PLXNA1: variants seen among roughly 807,000 people sequenced by gnomAD.
PLXNA1 encodes the protein plexin A1.
Under a neutral mutation model 191.7 loss-of-function variants are expected in PLXNA1, and 77 were observed. The ratio of observed to expected loss-of-function variants is 0.40; its 90% CI spans 0.33 to 0.49. The LOEUF is 0.49. Ranked by LOEUF, PLXNA1 falls within the 20% of genes least tolerant of loss-of-function variation. PLXNA1 has a pLI of 0.63. For missense variants in PLXNA1, 2,110 were observed against 2,660.2 expected (o/e 0.79, Z 4.55); for synonymous variants, 1,137 against 1,156.4 (o/e 0.98, Z 0.34).
chr3:127,024,053 T>A (rs992839333), intron 23 of PLXNA1, among the ~76,000 whole-genome samples: 2 of 152,314 alleles, frequency 1.3e-5, no homozygotes, highest in Admixed American at 1.3e-4. Flanking sequence ...AAGTCGTGCG[T>A]GTCCTGTAGA....
chr3:127,026,407 GC>G (rs1259592470), intron 23 of PLXNA1: 3 of 152,170 alleles, frequency 2.0e-5, no homozygotes, highest in African/African-American at 7.2e-5. Flanking sequence ...GTGACCTTGG[GC>G]CAATATCTGC....
At chr3:127,020,411 T>C in intron 21 of PLXNA1, 67 bp downstream of exon 21, 1 of 1,575,180 alleles carries the variant, frequency 6.3e-7, no homozygotes. Flanking sequence ...CCTTTGAGGC[T>C]CCTTGGGTGC....
intron 5 of PLXNA1, 27 bp from the exon 6 acceptor site, chr3:127,004,858 G>A (rs771466858): frequency 1.4e-5 from 22 of 1,568,106 alleles, no homozygotes; most frequent in African/African-American, 5.4e-5. Context: ...CTCCCCATCC[G>A]CCCAGCCTCA....
intron 30 of PLXNA1, 24 bp downstream of exon 30, chr3:127,032,623 G>T: frequency 1.9e-6 from 3 of 1,610,640 alleles, no homozygotes; most frequent in Non-Finnish European, 2.5e-6. Context: ...GCAGGGGTCG[G>T]GGGCAGGGGC....
chr3:127,018,224 C>T (rs1009703381), intron 19 of PLXNA1, 70 bp from the exon 20 acceptor site: 7 of 1,369,148 alleles, frequency 5.1e-6, no homozygotes, highest in Non-Finnish European at 6.0e-6. Context: ...TGGGTCTTGC[C>T]CATCGGGAGG....
intron 3 of PLXNA1, among the ~76,000 whole-genome samples, chr3:127,000,561 T>C (rs983763430): frequency 1.3e-5 from 2 of 152,218 alleles, no homozygotes; most frequent in African/African-American, 2.4e-5. Flanking sequence ...CTTCCCACTT[T>C]ACGAGCAGCC....
At chr3:126,986,566 C>G (rs182091678) in intron 1 of PLXNA1, among the ~76,000 whole-genome samples, 1 of 152,184 alleles carries the variant, frequency 6.6e-6, no homozygotes, top group Non-Finnish European at 1.5e-5. Context: ...TTCATTCATT[C>G]GCTCACTCAC....
rs369457038 is a variant in PLXNA1 at position 127,029,060 on chromosome 3, C to T, written c.4737C>T (p.Asn1579=). Residue 1579 remains asparagine, a synonymous_variant, in exon 26 of 32, where the codon AAC becomes AAT. Coordinates refer to ENST00000393409, the MANE Select transcript of PLXNA1 (RefSeq NM_032242.4). ...QDEDVTTKID[N]DWKRLNTLAH... Reference sequence around the variant, plus strand: ...AGGACGTCACCACCAAGATTGACAACGATTGGAAGAGGCTGAACACACTGG... The same window carrying T: ...AGGACGTCACCACCAAGATTGACAATGATTGGAAGAGGCTGAACACACTGG... 19 of 1,613,814 alleles carry T rather than the reference C, an allele frequency of 1.2e-5. No homozygotes were observed. The highest frequency in any genetic ancestry group is 1.4e-5 in the Non-Finnish European group (17 of 1,179,922).
Position 127,012,039 on chromosome 3 carries a change from C to T in PLXNA1, c.2194C>T (p.Leu732=), listed in dbSNP as rs1172508559. Residue 732 remains leucine, a synonymous_variant, in exon 10 of 32, where the codon CTG becomes TTG. Coordinates refer to ENST00000393409, the MANE Select transcript of PLXNA1 (RefSeq NM_032242.4). ...ACCCATCACCCTGGCCGCACGGAAC[C>T]TGCCACAGCCACAGTCAGGCCAGCG... The part of the protein sequence containing the change: ...VKPITLAARN[L]PQPQSGQRGY... The T allele has an allele frequency of 6.2e-7, 1 of 1,613,698 alleles. No individual in the cohort carries two copies. The highest frequency in any genetic ancestry group is 8.5e-7 in the Non-Finnish European group (1 of 1,180,044).
intron 9 of PLXNA1, among the ~76,000 whole-genome samples, chr3:127,009,743 C>T (rs965909389): frequency 5.9e-5 from 9 of 152,318 alleles, no homozygotes; most frequent in African/African-American, 1.9e-4. Flanking sequence ...TGCCTGCCTG[C>T]ATGCTGGGGT....
rs773936165 is a variant in PLXNA1, at chr3:126,989,568, C to A, written c.975C>A (p.Ala325=). The A allele has an allele frequency of 1.2e-6, 2 of 1,613,094 alleles. No individual in the cohort carries two copies. Among genetic ancestry groups the A allele is most frequent in the Non-Finnish European group, 1.7e-6 (2 of 1,180,032 alleles). ...TGAGCCGGCCCGGCCGTGCCCTGGC[C>A]CACCAGCTGGGCCTGGCTGAGGACG... ...AYLSRPGRAL[A]HQLGLAEDED... Residue 325 remains alanine, a synonymous_variant, in exon 2 of 32, where the codon GCC becomes GCA. Coordinates refer to ENST00000393409, the MANE Select transcript of PLXNA1 (RefSeq NM_032242.4).
chr3:127,019,866 C>A (rs1199769150), intron 20 of PLXNA1, among the ~76,000 whole-genome samples: 1 of 152,172 alleles, frequency 6.6e-6, no homozygotes, highest in African/African-American at 2.4e-5. Context: ...CACTCCACCA[C>A]CTCACAGCGG....
At chr3:127,006,769 G>A (rs777716963) in intron 8 of PLXNA1, among the ~76,000 whole-genome samples, 2 of 152,112 alleles carry the variant, frequency 1.3e-5, no homozygotes, top group Non-Finnish European at 2.9e-5. Flanking sequence ...TGTCTAGGAG[G>A]CAGCTGCTAT....
chr3:127,033,323 C>T (rs2079221987), intron 31 of PLXNA1, among the ~76,000 whole-genome samples: 2 of 152,168 alleles, frequency 1.3e-5, no homozygotes, highest in Non-Finnish European at 2.9e-5. Flanking sequence ...AGGATGGGAG[C>T]ACGGGGCCAG....
chr3:126,991,118 A>C, intron 2 of PLXNA1, among the ~76,000 whole-genome samples: 1 of 152,144 alleles, frequency 6.6e-6, no homozygotes, highest in East Asian at 1.9e-4. Flanking sequence ...GCGGTGGAGC[A>C]GCGCCCCCTC....
At chr3:126,990,498 A>G (rs2078984895) in intron 2 of PLXNA1, among the ~76,000 whole-genome samples, 1 of 152,196 alleles carries the variant, frequency 6.6e-6, no homozygotes, top group Admixed American at 6.5e-5. Context: ...CTCAGAGGGC[A>G]CGGGCCTTGC....
At chr3:127,004,549 G>A (rs1446356467) in intron 4 of PLXNA1, 62 bp from the exon 5 acceptor site, 1 of 1,150,182 alleles carries the variant, frequency 8.7e-7, no homozygotes. Context: ...GGAGTCAGAG[G>A]TGAGGATGGT....
intron 2 of PLXNA1, among the ~76,000 whole-genome samples, chr3:126,990,171 G>A (rs2107620739): frequency 6.6e-6 from 1 of 152,352 alleles, no homozygotes; most frequent in Admixed American, 6.5e-5. Context: ...GGATCAGAGA[G>A]GTGGGGTAAC....
chr3:127,002,616 C>T (rs1051100273), intron 3 of PLXNA1, among the ~76,000 whole-genome samples: 3 of 152,220 alleles, frequency 2.0e-5, no homozygotes, highest in African/African-American at 7.2e-5. Flanking sequence ...GAGAGCCTAC[C>T]CTGGACTCAG....
Sources: gnomAD v4.1 joint callset for allele counts (sites outside exome capture counted in the v4.1 genomes callset) on GRCh38, gnomAD v4.1.1 for gene constraint, MANE v1.5 for transcripts, NCBI Gene and HGNC (gene_info 2026-07-23, HGNC 2026-07-21) for gene names.